Variants in APPL1 observed in about 807,000 individuals in gnomAD.
The protein encoded by APPL1 is DCC-interacting protein 13-alpha.
Under a neutral mutation model 106.8 loss-of-function variants are expected in APPL1, and 42 were observed. The ratio of observed to expected loss-of-function variants is 0.39; its 90% CI spans 0.31 to 0.51. APPL1 has a LOEUF of 0.51. APPL1 is among the 20% of genes least tolerant of loss of function. The probability of loss-of-function intolerance (pLI) is 0.75; values close to 1 mark genes in which losing one functional copy is unlikely to be tolerated. For synonymous variants in APPL1, 263 were observed against 281.8 expected (o/e 0.93, Z 0.67); for missense variants, 769 against 858.2 (o/e 0.90, Z 1.30).
intron 21 of APPL1, 84 bp downstream of exon 21, chr3:57,268,571 A>C (rs2060911550): frequency 7.0e-7 from 1 of 1,438,338 alleles, no homozygotes; most frequent in Admixed American, 2.4e-5. Context: ...TGAATTTCCA[A>C]ATGAAGGGCT....
intron 10 of APPL1, among the ~76,000 whole-genome samples, chr3:57,248,716 A>T (rs1462850094): frequency 1.3e-5 from 2 of 152,132 alleles, no homozygotes; most frequent in African/African-American, 4.8e-5. Context: ...CTAAAAATAC[A>T]AAAATTAGCT....
In APPL1 at chr3:57,241,997, A is replaced by G. The variant is rs2060748646; in HGVS notation, c.374-104A>G. Reference sequence around the variant, plus strand: ...TTCACCCTGAATGTTGAACTATGAAATATTATTTTGAGTTTTAATTATAGT... The same window carrying G: ...TTCACCCTGAATGTTGAACTATGAAGTATTATTTTGAGTTTTAATTATAGT... On this transcript the variant is annotated intron_variant, in intron 5 of 21. Coordinates refer to ENST00000288266, the MANE Select transcript of APPL1 (RefSeq NM_012096.3). 5.0e-6 allele frequency: 4 copies of G among 796,852 alleles called. No individual in the cohort carries two copies. In the Admixed American group the frequency reaches 8.7e-5, roughly 17 times the overall value. 49.4% of individuals were successfully genotyped at this position (796,852 alleles called of 1,614,324 possible).
chr3:57,228,013 C>G lies in APPL1; in HGVS notation c.54+76C>G, dbSNP rs2060662161. 2 of 1,252,590 alleles carry G rather than the reference C, an allele frequency of 1.6e-6. No homozygotes were observed. 77.6% of individuals were successfully genotyped at this position (1,252,590 alleles called of 1,614,324 possible). A position where few individuals can be genotyped will look rare whatever the true frequency, so the allele number is the denominator to read the frequency against. Reference sequence around the variant, plus strand: ...CCAGGTCTGGCGCCTCCGCGGCTCCCGCAGGTGCCCGCCCCGGCCCAGGTG... The same window carrying G: ...CCAGGTCTGGCGCCTCCGCGGCTCCGGCAGGTGCCCGCCCCGGCCCAGGTG... On this transcript the variant is annotated intron_variant, in intron 1 of 21. Transcript: ENST00000288266. The surrounding 1 kb of genome is among the most constrained non-coding windows in gnomAD (Gnocchi z 4.6).
chr3:57,263,728 T>G lies in APPL1; in HGVS notation c.1842+2954T>G, dbSNP rs568340613. ...TTTCTGGCTGAATAGTACTCCATTG[T>G]GTGTGTGTGTACATTTTCTTTATCC... On this transcript the variant is annotated intron_variant, in intron 19 of 21. Transcript: ENST00000288266. 2.0e-5 allele frequency among the ~76,000 whole-genome samples: 3 copies of G among 151,182 alleles called. No homozygotes were observed. In the South Asian group the frequency reaches 6.2e-4, roughly 31 times the overall value.
Position 57,228,813 on chromosome 3 carries a change from A to G in APPL1, c.54+876A>G, listed in dbSNP as rs1322815922. 6.6e-6 allele frequency among the ~76,000 whole-genome samples: 1 copy of G among 152,240 alleles called. No homozygotes were observed. The highest frequency in any genetic ancestry group is 1.5e-5 in the Non-Finnish European group (1 of 68,042). On this transcript the variant is annotated intron_variant, in intron 1 of 21. Transcript: ENST00000288266. The surrounding 1 kb of genome is among the most constrained non-coding windows in gnomAD (Gnocchi z 4.6). ...TTTTACACGATAATTTAAACGGTTT[A>G]AGACGGTGTTGCTGGTTGGACACTA... is the stretch of plus-strand genomic sequence containing the variant.
At chr3:57,260,415 A>G (rs1400472961) in intron 18 of APPL1, 7 of 545,616 alleles carry the variant, frequency 1.3e-5, no homozygotes, top group Admixed American at 3.8e-5. Context: ...TTAATGACTA[A>G]TAAAACAAAT....
At chr3:57,235,512 TC>T in intron 1 of APPL1, 53 bp from the exon 2 acceptor site, 1 of 1,153,014 alleles carries the variant, frequency 8.7e-7, no homozygotes, top group South Asian at 1.6e-5. Flanking sequence ...AAAATATTTT[TC>T]CATCTGATTT....
rs1339291959 is a variant in APPL1, at chr3:57,270,894, T to TG, written c.*1209dup. 6.6e-6 allele frequency: 1 copy of TG among 152,202 alleles called. No individual in the cohort carries two copies. The highest frequency in any genetic ancestry group is 1.5e-5 in the Non-Finnish European group (1 of 68,028). 9.4% of individuals were successfully genotyped at this position (152,202 alleles called of 1,614,324 possible). A position where few individuals can be genotyped will look rare whatever the true frequency, so the allele number is the denominator to read the frequency against. On this transcript the variant is annotated 3_prime_UTR_variant, in exon 22 of 22. Transcript: ENST00000288266. ...AAGTTGACCAAGGAAGGATTTAACC[T>TG]GGTGCCAAGGTTAAAATAACATTTC...
intron 4 of APPL1, among the ~76,000 whole-genome samples, 155 bp from the exon 5 acceptor site, chr3:57,240,310 G>T (rs2060738850): frequency 6.6e-6 from 1 of 151,502 alleles, no homozygotes; most frequent in African/African-American, 2.4e-5. Flanking sequence ...GGAATTTTTT[G>T]ACTATATAGT....
intron 1 of APPL1, among the ~76,000 whole-genome samples, chr3:57,233,725 T>C (rs2060701318): frequency 6.6e-6 from 1 of 152,126 alleles, no homozygotes; most frequent in East Asian, 1.9e-4. Context: ...CTTTATACTA[T>C]ATTGACTTAG....
chr3:57,248,067 T>G lies in APPL1; in HGVS notation c.705-126T>G, dbSNP rs542244953. ...TGTTTTAAAATATATTCGTGTTGTT[T>G]TAACCACCCATGCCGCTCTTCCTCT... On this transcript the variant is annotated intron_variant, in intron 9 of 21. Transcript: ENST00000288266. The G allele has an allele frequency of 1.5e-4, 143 of 929,816 alleles. 1 individual carries two copies. In the African/African-American group the frequency reaches 1.8e-3, roughly 12 times the overall value. 57.6% of individuals were successfully genotyped at this position (929,816 alleles called of 1,614,324 possible). A position where few individuals can be genotyped will look rare whatever the true frequency, so the allele number is the denominator to read the frequency against.
intron 1 of APPL1, among the ~76,000 whole-genome samples, chr3:57,233,375 A>G (rs2060698605): frequency 6.6e-6 from 1 of 152,188 alleles, no homozygotes; most frequent in African/African-American, 2.4e-5. Flanking sequence ...TTAGCTTAAA[A>G]TAGGGAATCT....
At chr3:57,241,592 CCTTTA>C (rs1251467370) in intron 5 of APPL1, among the ~76,000 whole-genome samples, 2 of 152,126 alleles carry the variant, frequency 1.3e-5, no homozygotes, top group Non-Finnish European at 2.9e-5. Flanking sequence ...ACCCGTGCCA[CCTTTA>C]CTTTACTCAG....
intron 7 of APPL1, among the ~76,000 whole-genome samples, chr3:57,245,398 G>A (rs937969643): frequency 3.9e-5 from 6 of 152,170 alleles, no homozygotes; most frequent in Non-Finnish European, 8.8e-5. Context: ...AGAATGGTAT[G>A]CTGTGAACTG....
intron 7 of APPL1, among the ~76,000 whole-genome samples, chr3:57,243,913 G>A (rs2107600981): frequency 6.6e-6 from 1 of 152,140 alleles, no homozygotes; most frequent in South Asian, 2.1e-4. Context: ...AGTCTGTTGG[G>A]TACCTTGGGG....
chr3:57,261,147 T>C (rs2060863146), intron 19 of APPL1, among the ~76,000 whole-genome samples: 1 of 152,170 alleles, frequency 6.6e-6, no homozygotes, highest in African/African-American at 2.4e-5. Flanking sequence ...TTGTCTGTCA[T>C]TCCACACTCT....
At chr3:57,268,090 C>T (rs1397174401) in intron 20 of APPL1, 1 of 461,488 alleles carries the variant, frequency 2.2e-6, no homozygotes, top group Non-Finnish European at 3.8e-6. Context: ...GAGACTGTAT[C>T]TCAAAAAAAA....
chr3:57,262,171 A>G (rs1360016859), intron 19 of APPL1, among the ~76,000 whole-genome samples: 1 of 151,894 alleles, frequency 6.6e-6, no homozygotes, highest in Non-Finnish European at 1.5e-5. Context: ...CAGTTGGATG[A>G]ACAGTTTGCA....
chr3:57,243,720 G>C (rs977424947), intron 7 of APPL1, among the ~76,000 whole-genome samples: 3 of 152,192 alleles, frequency 2.0e-5, no homozygotes, highest in African/African-American at 7.2e-5. Context: ...ATGGTGTATT[G>C]ATAAAATGTA....
Sources: gnomAD v4.1 joint callset for allele counts (sites outside exome capture counted in the v4.1 genomes callset) on GRCh38, gnomAD v4.1.1 for gene constraint, Gnocchi (gnomAD v3.1) non-coding constraint, MANE v1.5 for transcripts, NCBI Gene and HGNC (gene_info 2026-07-23, HGNC 2026-07-21) for gene names.